CREB3L1: variants seen among roughly 807,000 people sequenced by gnomAD.
CREB3L1 encodes cyclic AMP-responsive element-binding protein 3-like protein 1.
A neutral mutation model predicts 54.5 loss-of-function variants in CREB3L1; 33 were observed. The observed-to-expected ratio is 0.61, with a 90% CI of 0.46 to 0.81. The LOEUF (loss-of-function observed/expected upper bound fraction) is 0.81, where lower values mean the gene tolerates loss of function less well. Ranked by LOEUF, CREB3L1 falls within the 30% of genes least tolerant of loss-of-function variation. CREB3L1 has a pLI of 0.00. For missense variants in CREB3L1, 656 were observed against 673.3 expected (o/e 0.97, Z 0.29); for synonymous variants, 284 against 286.4 (o/e 0.99, Z 0.08).
rs892366104 is a variant in CREB3L1 at position 46,306,125 on chromosome 11, C to T, written c.332-1691C>T. Among the ~76,000 whole-genome samples, 4 of 152,158 alleles carry T rather than the reference C, an allele frequency of 2.6e-5. No individual in the cohort carries two copies. In the East Asian group the frequency reaches 7.7e-4, roughly 29 times the overall value. On this transcript the variant is annotated intron_variant, in intron 2 of 11. Coordinates refer to ENST00000621158, the MANE Select transcript of CREB3L1 (RefSeq NM_052854.4). ...GTGGTCTGATCATAGTTCACTGCAG[C>T]CTTGAACTCTTGGGCTCAAGCGATC...
intron 1 of CREB3L1, among the ~76,000 whole-genome samples, chr11:46,297,289 A>G (rs1408835484): frequency 6.6e-6 from 1 of 152,192 alleles, no homozygotes; most frequent in Non-Finnish European, 1.5e-5. Context: ...TGATTCTTAG[A>G]AACTCATTCA....
intron 8 of CREB3L1, chr11:46,315,963 CTG>C (rs1004048260): frequency 1.1e-5 from 3 of 281,124 alleles, no homozygotes; most frequent in Non-Finnish European, 2.0e-5. Flanking sequence ...GTCAGTGAAA[CTG>C]TGGCAGGTGT....
At chr11:46,282,226 C>T (rs1045731678) in intron 1 of CREB3L1, among the ~76,000 whole-genome samples, 3 of 152,134 alleles carry the variant, frequency 2.0e-5, no homozygotes, top group African/African-American at 7.2e-5. Flanking sequence ...GTCCTTAAGC[C>T]CATCTATTTG....
intron 5 of CREB3L1, among the ~76,000 whole-genome samples, chr11:46,311,886 A>T (rs2136354863): frequency 6.6e-6 from 1 of 152,286 alleles, no homozygotes; most frequent in East Asian, 1.9e-4. Context: ...CCTCCAGGGG[A>T]TGACCCAGGC....
chr11:46,320,632 A>G, intron 11 of CREB3L1, 78 bp from the exon 12 acceptor site: 1 of 1,559,558 alleles, frequency 6.4e-7, no homozygotes. Flanking sequence ...CCCCATCCCT[A>G]CTTGGTCTAG....
In CREB3L1 at chr11:46,307,841, G is replaced by A. The variant is rs1316205482; in HGVS notation, c.357G>A (p.Leu119=). 2.5e-6 allele frequency: 4 copies of A among 1,580,596 alleles called. No individual in the cohort carries two copies. The highest frequency in any genetic ancestry group is 3.6e-5 in the Admixed American group (2 of 55,650). The change falls in exon 3 of 12, where the codon CTG becomes CTA. Residue 119 remains leucine (L), a synonymous_variant. Transcript: ENST00000621158. The stretch of plus-strand genomic sequence containing the variant: ...ATGCAGAGCATGGAGCATGGGCGCT[G>A]GGACACAAACTGTGCTCCATCATGG... ...TQDAEHGAWA[L]GHKLCSIMVK...
chr11:46,310,612 C>A (rs950663391), intron 4 of CREB3L1, among the ~76,000 whole-genome samples: 3 of 151,896 alleles, frequency 2.0e-5, no homozygotes, highest in Non-Finnish European at 4.4e-5. Flanking sequence ...GCCATCGCTC[C>A]TGCTTGCCCA....
At chr11:46,280,706 C>T (rs1590335941) in intron 1 of CREB3L1, among the ~76,000 whole-genome samples, 1 of 152,092 alleles carries the variant, frequency 6.6e-6, no homozygotes, top group Non-Finnish European at 1.5e-5. Flanking sequence ...GTGAACATAG[C>T]AAGTCACTTT....
At position 46,300,126 on chromosome 11, in the gene CREB3L1, C is replaced by A. The variant is rs768901290; in HGVS notation, c.294C>A (p.Ser98Arg). 2 of 1,613,462 alleles carry A rather than the reference C, an allele frequency of 1.2e-6. No homozygotes were observed. The highest frequency in any genetic ancestry group is 1.7e-6 in the Non-Finnish European group (2 of 1,179,662). Residue 98 changes from serine (S) to arginine (R), a missense_variant, in exon 2 of 12, where the codon AGC (serine) becomes AGA (arginine). Physicochemically the swap from Ser to Arg is moderately radical, Grantham distance 110. Transcript: ENST00000621158. ...YSLSGDSAPQ[S>R]PLVPIKMEDT... ...TGAGCGGCGACTCAGCGCCCCAGAG[C>A]CCCCTTGTGCCCATCAAGATGGAGG...
rs1938914639 is a variant in CREB3L1 at position 46,278,503 on chromosome 11, C to T, written c.102+290C>T. ...CACCAATCCCGCCCTCCACCCACGTCTTCTAGCCGTCCCCAACCCACCCCA... is the reference window on the plus strand; with the variant it reads ...CACCAATCCCGCCCTCCACCCACGTTTTCTAGCCGTCCCCAACCCACCCCA... On this transcript the variant is annotated intron_variant, in intron 1 of 11. Coordinates refer to ENST00000621158, the MANE Select transcript of CREB3L1 (RefSeq NM_052854.4). This position sits in a 1 kb window ranked among gnomAD's most constrained non-coding sequence, Gnocchi z 4.2. 6.6e-6 allele frequency among the ~76,000 whole-genome samples: 1 copy of T among 152,250 alleles called. No individual in the cohort carries two copies. The highest frequency in any genetic ancestry group is 6.5e-5 in the Admixed American group (1 of 15,290).
chr11:46,278,724 C>T lies in CREB3L1; in HGVS notation c.102+511C>T, dbSNP rs1938919284. On this transcript the variant is annotated intron_variant, in intron 1 of 11. Transcript: ENST00000621158. This position sits in a 1 kb window ranked among gnomAD's most constrained non-coding sequence, Gnocchi z 4.2. ...CCTGGCAGCCCCAGGGAATCAGGCC[C>T]AGAGACCCCCCACCCCAGGGAGGGA... Among the ~76,000 whole-genome samples, 1 of 152,206 alleles carries T rather than the reference C, an allele frequency of 6.6e-6. No homozygotes were observed. Among genetic ancestry groups the T allele is most frequent in the Non-Finnish European group, 1.5e-5 (1 of 68,032 alleles).
chr11:46,312,923 G>A lies in CREB3L1; in HGVS notation c.1031+4G>A. 6.3e-7 allele frequency: 1 copy of A among 1,577,582 alleles called. No homozygotes were observed. Among genetic ancestry groups the A allele is most frequent in the Non-Finnish European group, 8.6e-7 (1 of 1,162,020 alleles). On this transcript the variant is annotated splice_donor_region_variant and intron_variant, in intron 8 of 11. Transcript: ENST00000621158. ...AGACCCTGGAGAATGCCAACAGGTGGGTAGTGCCTCCTGCATCCAACCTGG... is the reference window on the plus strand; with the variant it reads ...AGACCCTGGAGAATGCCAACAGGTGAGTAGTGCCTCCTGCATCCAACCTGG...
intron 1 of CREB3L1, among the ~76,000 whole-genome samples, chr11:46,289,590 G>A (rs1270246501): frequency 6.6e-6 from 1 of 152,180 alleles, no homozygotes; most frequent in Non-Finnish European, 1.5e-5. Context: ...CAGCATTTGA[G>A]TTGGCCCCTT....
At chr11:46,314,162 C>T (rs933139482) in intron 8 of CREB3L1, among the ~76,000 whole-genome samples, 10 of 150,762 alleles carry the variant, frequency 6.6e-5, no homozygotes, top group African/African-American at 2.4e-4. Flanking sequence ...CACTGGAACC[C>T]GGGAGGCAGA....
intron 1 of CREB3L1, 91 bp from the exon 2 acceptor site, chr11:46,299,844 A>G (rs1289758480): frequency 1.2e-6 from 1 of 867,608 alleles, no homozygotes; most frequent in Non-Finnish European, 1.9e-6. Context: ...AGTGGTGGCC[A>G]TGGTGGGGTG....
chr11:46,279,991 C>T (rs1228709931), intron 1 of CREB3L1, among the ~76,000 whole-genome samples: 1 of 152,124 alleles, frequency 6.6e-6, no homozygotes, highest in Non-Finnish European at 1.5e-5. Flanking sequence ...GAGGAAAAGC[C>T]CTGCTGGGGA....
intron 4 of CREB3L1, 137 bp from the exon 5 acceptor site, chr11:46,310,895 A>G: frequency 7.4e-7 from 1 of 1,345,928 alleles, no homozygotes; most frequent in Non-Finnish European, 9.8e-7. Flanking sequence ...TTCTGATGTC[A>G]TAGCTGAGAC....
At chr11:46,297,455 G>C (rs1292252645) in intron 1 of CREB3L1, among the ~76,000 whole-genome samples, 1 of 152,224 alleles carries the variant, frequency 6.6e-6, no homozygotes, top group East Asian at 1.9e-4. Context: ...CCCTGCTTCA[G>C]GGCAATTACC....
At chr11:46,288,375 C>T (rs1473374956) in intron 1 of CREB3L1, among the ~76,000 whole-genome samples, 2 of 152,224 alleles carry the variant, frequency 1.3e-5, no homozygotes, top group African/African-American at 4.8e-5. Flanking sequence ...AGCCACCGCA[C>T]ACGGCCCTCT....
Sources: allele counts gnomAD v4.1 joint callset (sites outside exome capture counted in the v4.1 genomes callset), GRCh38; gene constraint gnomAD v4.1.1; non-coding constraint Gnocchi (gnomAD v3.1); transcripts MANE v1.5; gene names NCBI Gene and HGNC (gene_info 2026-07-23, HGNC 2026-07-21).